C2CD2: variants seen among roughly 807,000 people sequenced by gnomAD.
The protein encoded by C2CD2 is C2 calcium dependent domain containing 2.
C2CD2 carries 43 observed loss-of-function variants against 74.3 expected under a neutral mutation model. That is an observed-to-expected ratio of 0.58 (90% CI 0.45 to 0.75). The LOEUF is 0.75. Among genes scored for constraint, C2CD2 ranks in the 30% least tolerant of loss-of-function variants. The probability of loss-of-function intolerance (pLI) is 0.00; values close to 1 mark genes in which losing one functional copy is unlikely to be tolerated. For missense variants in C2CD2, 801 were observed against 916.3 expected (o/e 0.87, Z 1.63); for synonymous variants, 422 against 390.7 (o/e 1.08, Z -0.94).
At chr21:41,950,922 C>G (rs761022147) in intron 1 of C2CD2, among the ~76,000 whole-genome samples, 3 of 152,162 alleles carry the variant, frequency 2.0e-5, no homozygotes, top group Non-Finnish European at 4.4e-5. Flanking sequence ...TGGTCTCCTC[C>G]CTGGGTAGGA....
intron 2 of C2CD2, among the ~76,000 whole-genome samples, chr21:41,937,339 G>A (rs2065317634): frequency 6.6e-6 from 1 of 151,834 alleles, no homozygotes; most frequent in South Asian, 2.1e-4. Flanking sequence ...GGCTGGTCTC[G>A]AACTCCTGAC....
At chr21:41,898,315 G>C (rs1444374559) in intron 13 of C2CD2, among the ~76,000 whole-genome samples, 1 of 152,170 alleles carries the variant, frequency 6.6e-6, no homozygotes, top group Non-Finnish European at 1.5e-5. Context: ...CAGCGGCCAT[G>C]CTCCTCATCT....
chr21:41,945,216 C>T lies in C2CD2; in HGVS notation c.280-2971G>A, dbSNP rs1001177069. 1.3e-5 allele frequency among the ~76,000 whole-genome samples: 2 copies of T among 152,114 alleles called. No individual in the cohort carries two copies. Among genetic ancestry groups the T allele is most frequent in the African/African-American group, 4.8e-5 (2 of 41,410 alleles). On this transcript the variant is annotated intron_variant, in intron 1 of 13. Coordinates refer to ENST00000380486, the MANE Select transcript of C2CD2 (RefSeq NM_015500.2). This position sits in a 1 kb window ranked among gnomAD's most constrained non-coding sequence, Gnocchi z 4.2. ...TGAACTCTGTACCGTTGGACTAGAA[C>T]CCAAGGTACAGGATACAATCACGGT...
chr21:41,928,164 G>C (rs1406707988), intron 2 of C2CD2, among the ~76,000 whole-genome samples: 1 of 152,238 alleles, frequency 6.6e-6, no homozygotes, highest in Non-Finnish European at 1.5e-5. Flanking sequence ...CTGGCAGCTA[G>C]TGCTTCCTGA....
At chr21:41,921,480 G>A (rs563357084) in intron 3 of C2CD2, among the ~76,000 whole-genome samples, 1 of 152,218 alleles carries the variant, frequency 6.6e-6, no homozygotes, top group East Asian at 1.9e-4. Context: ...TTATTCTTAT[G>A]TCTATTATGA....
rs769236913 is a variant in C2CD2, at chr21:41,903,291, G to A, written c.1433-1542C>T. ...TATAGCAAATTACGGAACCCGAGGA[G>A]TGTGTCATGGAAACCCCAATTTGTA... On this transcript the variant is annotated intron_variant, in intron 11 of 13. Transcript: ENST00000380486. The surrounding 1 kb of genome is among the most constrained non-coding windows in gnomAD (Gnocchi z 4.5). Among the ~76,000 whole-genome samples, 3 of 152,188 alleles carry A rather than the reference G, an allele frequency of 2.0e-5. No individual in the cohort carries two copies. The highest frequency in any genetic ancestry group is 4.4e-5 in the Non-Finnish European group (3 of 68,030).
rs939485542 is a variant in C2CD2, at chr21:41,926,394, G to T, written c.379-4309C>A. On this transcript the variant is annotated intron_variant, in intron 2 of 13. Transcript: ENST00000380486. The surrounding 1 kb of genome is among the most constrained non-coding windows in gnomAD (Gnocchi z 8.0). ...GGTCTCCACATGGAAAGGCCAAGGG[G>T]GGACTCACGGTTGGCAGGTGAGGGT... The T allele has an allele frequency of 7.1e-6, 7 of 979,906 alleles. No homozygotes were observed. In the South Asian group the frequency reaches 2.4e-4, roughly 33 times the overall value. 60.7% of individuals were successfully genotyped at this position (979,906 alleles called of 1,614,324 possible).
At chr21:41,912,537 C>G (rs1459192843) in intron 6 of C2CD2, 97 bp from the exon 7 acceptor site, 21 of 491,726 alleles carry the variant, frequency 4.3e-5, no homozygotes. Context: ...GTCGCCCAGG[C>G]TGGAGTGCAG....
chr21:41,943,356 A>G (rs1356379935), intron 1 of C2CD2, among the ~76,000 whole-genome samples: 1 of 152,202 alleles, frequency 6.6e-6, no homozygotes, highest in Non-Finnish European at 1.5e-5. Flanking sequence ...ACAAGGCAAC[A>G]AGGCCAACGT....
intron 1 of C2CD2, among the ~76,000 whole-genome samples, chr21:41,947,353 C>T (rs1300278026): frequency 2.6e-5 from 4 of 152,128 alleles, no homozygotes; most frequent in Admixed American, 2.0e-4. Flanking sequence ...GATGGGGTTT[C>T]TCCATGTTGG....
intron 2 of C2CD2, among the ~76,000 whole-genome samples, chr21:41,922,544 G>C (rs773314144): frequency 2.7e-5 from 4 of 149,404 alleles, no homozygotes; most frequent in African/African-American, 9.9e-5. Context: ...GAGCAATCTC[G>C]GCTCACTGCA....
chr21:41,932,240 G>A (rs2065269105), intron 2 of C2CD2, among the ~76,000 whole-genome samples: 1 of 149,958 alleles, frequency 6.7e-6, no homozygotes, highest in Admixed American at 6.7e-5. Context: ...CGGGTGGCTC[G>A]TCCAGGCAGG....
intron 2 of C2CD2, among the ~76,000 whole-genome samples, chr21:41,934,704 C>G (rs2065291629): frequency 6.6e-6 from 1 of 152,206 alleles, no homozygotes; most frequent in African/African-American, 2.4e-5. Context: ...CCTGTGGTAA[C>G]TCACTCCATC....
Position 41,899,799 on chromosome 21 carries a change from G to A in C2CD2, c.1561-437C>T, listed in dbSNP as rs1397498480. On this transcript the variant is annotated intron_variant, in intron 12 of 13. Coordinates refer to ENST00000380486, the MANE Select transcript of C2CD2 (RefSeq NM_015500.2). This position sits in a 1 kb window ranked among gnomAD's most constrained non-coding sequence, Gnocchi z 4.4. Reference sequence around the variant, plus strand: ...TGTTACCTGCAAGTGGAAATTCACCGGCACATCCTCTCAAAAATTATATTT... The same window carrying A: ...TGTTACCTGCAAGTGGAAATTCACCAGCACATCCTCTCAAAAATTATATTT... Among the ~76,000 whole-genome samples, 6 of 152,190 alleles carry A rather than the reference G, an allele frequency of 3.9e-5. No individual in the cohort carries two copies. The highest frequency in any genetic ancestry group is 2.1e-4 in the South Asian group (1 of 4,822).
In C2CD2 at chr21:41,909,917, A is replaced by G. The variant is rs545178965; in HGVS notation, c.954-394T>C. 3.9e-5 allele frequency among the ~76,000 whole-genome samples: 6 copies of G among 152,208 alleles called. No individual in the cohort carries two copies. In the South Asian group the frequency reaches 1.0e-3, roughly 26 times the overall value. ...GCTGCCATATTGAAAGCACAGCTAT[A>G]TAATGACCTAAAGACAAAATACGGA... is the stretch of plus-strand genomic sequence containing the variant. On this transcript the variant is annotated intron_variant, in intron 7 of 13. Coordinates refer to ENST00000380486, the MANE Select transcript of C2CD2 (RefSeq NM_015500.2).
intron 7 of C2CD2, chr21:41,912,053 C>T: frequency 3.2e-6 from 1 of 310,904 alleles, no homozygotes; most frequent in Non-Finnish European, 5.9e-6. Context: ...GGCTCCCTCC[C>T]TTTTCACCCT....
Position 41,887,974 on chromosome 21 carries a change from T to C in C2CD2, c.*1150A>G, listed in dbSNP as rs922250900. The stretch of plus-strand genomic sequence containing the variant: ...ATGAGGAAAGCGACTGGAATGATAT[T>C]AGGGATATTCAAATGGTGTGCCAGG... On this transcript the variant is annotated 3_prime_UTR_variant, in exon 14 of 14. Coordinates refer to ENST00000380486, the MANE Select transcript of C2CD2 (RefSeq NM_015500.2). The C allele has an allele frequency of 3.9e-5, 6 of 152,482 alleles. No homozygotes were observed. The East Asian group carries it at 9.6e-4, about 24-fold the overall frequency. The allele number at this position is 152,482 out of a possible 1,614,324, so 9.4% of individuals were successfully genotyped here.
At position 41,899,271 on chromosome 21, in the gene C2CD2, G is replaced by C. The variant is rs369378310; in HGVS notation, c.1652C>G (p.Pro551Arg). The C allele has an allele frequency of 5.0e-6, 8 of 1,611,838 alleles. No homozygotes were observed. In the African/African-American group the frequency reaches 5.3e-5, roughly 11 times the overall value. Residue 551 changes from proline to arginine, a missense_variant, in exon 13 of 14, where the codon CCG becomes CGG. By Grantham distance (103) the Pro-to-Arg change is moderately radical. Coordinates refer to ENST00000380486, the MANE Select transcript of C2CD2 (RefSeq NM_015500.2). This position sits in a 1 kb window ranked among gnomAD's most constrained non-coding sequence, Gnocchi z 4.4. ...STHQEDAPSH[P>R]ERAAASAPPE... ...CGGGGCAGAGGCTGCCGCCCTCTCC[G>C]GATGGGATGGGGCGTCCTCCTGGTG... is the stretch of plus-strand genomic sequence containing the variant.
chr21:41,911,511 C>A (rs1484236020), intron 7 of C2CD2, among the ~76,000 whole-genome samples: 2 of 151,370 alleles, frequency 1.3e-5, no homozygotes, highest in African/African-American at 4.9e-5. Flanking sequence ...CCTGCCTCGG[C>A]TTCCTGAGTA....
Sources: allele counts gnomAD v4.1 joint callset (sites outside exome capture counted in the v4.1 genomes callset), GRCh38; gene constraint gnomAD v4.1.1; non-coding constraint Gnocchi (gnomAD v3.1); transcripts MANE v1.5; gene names NCBI Gene and HGNC (gene_info 2026-07-23, HGNC 2026-07-21).